Variants in CNOT1 observed in about 807,000 individuals in gnomAD.
CNOT1 encodes the protein CCR4-NOT transcription complex subunit 1, also known as CCR4-associated factor 1.
Under a neutral mutation model 273.8 loss-of-function variants are expected in CNOT1, and 15 were observed. The ratio of observed to expected loss-of-function variants is 0.05; its 90% CI spans 0.04 to 0.08. The LOEUF is 0.08. CNOT1 is among the 10% of genes least tolerant of loss of function. The pLI is 1.00. For missense variants in CNOT1, 1,644 were observed against 2,912.2 expected (o/e 0.56, Z 10.02); for synonymous variants, 1,022 against 1,005.5 (o/e 1.02, Z -0.31).
In CNOT1 at chr16:58,537,921, T is replaced by C; in HGVS notation, c.5384A>G (p.Asn1795Ser). Residue 1795 changes from asparagine (N) to serine (S), a missense_variant, in exon 38 of 49, where the codon AAT becomes AGT. Transcript: ENST00000317147. ...TGGAGCATTGCCTCTGGAATGAGCA[T>C]TAATCCTCATGAGGGTTTCAATGGT... ...FHTIETLMRI[N>S]AHSRGNAPEG... is the part of the protein sequence containing the mutation. The C allele has an allele frequency of 6.2e-7, 1 of 1,614,224 alleles. No individual in the cohort carries two copies. The highest frequency in any genetic ancestry group is 8.5e-7 in the Non-Finnish European group (1 of 1,180,038).
intron 1 of CNOT1, among the ~76,000 whole-genome samples, chr16:58,610,221 C>T (rs570643530): frequency 6.6e-6 from 1 of 152,304 alleles, no homozygotes; most frequent in East Asian, 1.9e-4. Context: ...AGTTCAAAAC[C>T]AGCCTTGCCA....
intron 27 of CNOT1, 66 bp from the exon 28 acceptor site, chr16:58,546,815 A>G (rs546387206): frequency 6.3e-7 from 1 of 1,595,530 alleles, no homozygotes; most frequent in East Asian, 2.2e-5. Flanking sequence ...ATTTAAAACA[A>G]TTCAATACAA....
At chr16:58,526,252 G>C in intron 44 of CNOT1, 114 bp from the exon 45 acceptor site, 1 of 977,416 alleles carries the variant, frequency 1.0e-6, no homozygotes, top group South Asian at 1.6e-5. Flanking sequence ...TAAATGCCTT[G>C]AAGAGCACAG....
At chr16:58,573,088 C>G (rs989631262) in intron 16 of CNOT1, among the ~76,000 whole-genome samples, 1 of 151,616 alleles carries the variant, frequency 6.6e-6, no homozygotes, top group Non-Finnish European at 1.5e-5. Context: ...GGCAGATCAC[C>G]TGAGGTCAGG....
chr16:58,595,885 T>A (rs2042233578), intron 2 of CNOT1, among the ~76,000 whole-genome samples: 1 of 152,012 alleles, frequency 6.6e-6, no homozygotes, highest in Non-Finnish European at 1.5e-5. Flanking sequence ...AAGTCAGAGG[T>A]GGAAAGATAC....
Position 58,582,923 on chromosome 16 carries a change from A to G in CNOT1, c.934-20T>C. The G allele has an allele frequency of 6.2e-7, 1 of 1,613,586 alleles. No homozygotes were observed. Among genetic ancestry groups the G allele is most frequent in the East Asian group, 2.2e-5 (1 of 44,880 alleles). ...AATACTCTGTAGAAGTAAAACTTGAATTAAACAAACCCAACTACTCCATGT... is the reference window on the plus strand; with the variant it reads ...AATACTCTGTAGAAGTAAAACTTGAGTTAAACAAACCCAACTACTCCATGT... On this transcript the variant is annotated intron_variant, in intron 9 of 48. Transcript: ENST00000317147.
At chr16:58,629,427 G>A (rs1271404911) in intron 1 of CNOT1, among the ~76,000 whole-genome samples, 1 of 152,126 alleles carries the variant, frequency 6.6e-6, no homozygotes, top group Non-Finnish European at 1.5e-5. Context: ...CGCCCCCTGA[G>A]CCTCCAGGCC....
At chr16:58,530,182 T>C (rs2039734918) in intron 43 of CNOT1, 64 bp downstream of exon 43, 2 of 1,333,666 alleles carry the variant, frequency 1.5e-6, no homozygotes, top group Non-Finnish European at 2.1e-6. Flanking sequence ...AGGCCTCAGA[T>C]TCCTAAAGTG....
intron 39 of CNOT1, among the ~76,000 whole-genome samples, chr16:58,535,986 G>C (rs1042404772): frequency 6.6e-6 from 1 of 151,990 alleles, no homozygotes; most frequent in African/African-American, 2.4e-5. Context: ...CGCCTGCCTC[G>C]GCCTCCCAAA....
At position 58,560,306 on chromosome 16, in the gene CNOT1, T is replaced by C. The variant is rs375385291; in HGVS notation, c.2036A>G (p.Asn679Ser). 7.4e-5 allele frequency: 119 copies of C among 1,614,072 alleles called. No homozygotes were observed. In the Middle Eastern group the frequency reaches 1.5e-3, roughly 20 times the overall value. Residue 679 changes from asparagine (N) to serine (S), a missense_variant, in exon 17 of 49, where the codon AAT becomes AGT. Coordinates refer to ENST00000317147, the MANE Select transcript of CNOT1 (RefSeq NM_016284.5). Reference protein sequence around the residue: ...TILTMVANCSNVMNKARQPPP... With the variant: ...TILTMVANCSSVMNKARQPPP... The stretch of plus-strand genomic sequence containing the variant: ...TGGTTGTCTGGCCTTATTCATAACA[T>C]TACTGCAATTGGCTACCATGGTGAG...
chr16:58,614,677 CT>C (rs2043014704), intron 1 of CNOT1, among the ~76,000 whole-genome samples: 1 of 125,426 alleles, frequency 8.0e-6, no homozygotes, highest in Admixed American at 7.9e-5. Flanking sequence ...GCTGATTTTG[CT>C]TTGTATACTT....
At position 58,540,089 on chromosome 16, in the gene CNOT1, G is replaced by A. The variant is rs181865348; in HGVS notation, c.4801-130C>T. The stretch of plus-strand genomic sequence containing the variant: ...CTTATTTTTACATTCAAACATGGAG[G>A]GCCTCTTCTTTTCCTTCTTCCTGAG... On this transcript the variant is annotated intron_variant, in intron 34 of 48. Transcript: ENST00000317147. 6,690 of 902,022 alleles carry A rather than the reference G, an allele frequency of 7.4e-3. 40 individuals carry two copies. The highest frequency in any genetic ancestry group is 9.3e-3 in the Non-Finnish European group (5,746 of 616,664). The allele number at this position is 902,022 out of a possible 1,614,324, so 55.9% of individuals were successfully genotyped here. A position where few individuals can be genotyped will look rare whatever the true frequency, so the allele number is the denominator to read the frequency against.
chr16:58,543,878 T>C lies in CNOT1; in HGVS notation c.4163A>G (p.Gln1388Arg). ...TGCCTGACGCACACACTGCTTCAAC[T>C]GTGGATGGGCCTGAAACAAGGGAAT... ...PTIPLFQAHP[Q>R]LKQCVRQAIE... Residue 1388 changes from glutamine (Q) to arginine (R), a missense_variant, in exon 31 of 49, where the codon CAG (glutamine) becomes CGG (arginine). This residue lies in a region of CNOT1 where 133 missense variants were observed against 230.4 expected (regional missense o/e 0.58). Transcript: ENST00000317147. The C allele has an allele frequency of 1.9e-6, 3 of 1,612,196 alleles. No individual in the cohort carries two copies. Among genetic ancestry groups the C allele is most frequent in the South Asian group, 1.1e-5 (1 of 90,952 alleles).
rs139041240 is a variant in CNOT1, at chr16:58,616,054, A to G, written c.-175+13674T>C. On this transcript the variant is annotated intron_variant, in intron 1 of 48. Coordinates refer to ENST00000317147, the MANE Select transcript of CNOT1 (RefSeq NM_016284.5). The stretch of plus-strand genomic sequence containing the variant: ...GCCATTGTCCTGCAGCCTGGATGAC[A>G]GGGCAAGACACTGACTCTACCAAAA... Among the ~76,000 whole-genome samples, 1,196 of 124,610 alleles carry G rather than the reference A, an allele frequency of 9.6e-3. 228 individuals carry two copies. Among genetic ancestry groups the G allele is most frequent in the African/African-American group, 0.031 (1,150 of 36,984 alleles). 81.7% of individuals were successfully genotyped at this position (124,610 alleles called of 152,430 possible).
At position 58,586,624 on chromosome 16, in the gene CNOT1, G is replaced by C. The variant is rs774069379; in HGVS notation, c.558C>G (p.Ser186=). The C allele has an allele frequency of 6.2e-7, 1 of 1,613,024 alleles. No homozygotes were observed. Among genetic ancestry groups the C allele is most frequent in the Non-Finnish European group, 8.5e-7 (1 of 1,179,818 alleles). ...CTCCCTTCTGCCCAAAGAGGAGATG[G>C]GAGAGGAGGAGGTGTAGGACCTCTA... The part of the protein sequence containing the change: ...IAIEVLHLLL[S]HLLFGQKGAF... Residue 186 remains serine (S), a synonymous_variant, in exon 7 of 49, where the codon TCC becomes TCG. Coordinates refer to ENST00000317147, the MANE Select transcript of CNOT1 (RefSeq NM_016284.5).
intron 18 of CNOT1, among the ~76,000 whole-genome samples, chr16:58,557,598 TAAG>T (rs1382119474): frequency 2.0e-5 from 3 of 151,440 alleles, no homozygotes. Context: ...TACAAGGGGC[TAAG>T]AAGATGTAGG....
intron 46 of CNOT1, 67 bp from the exon 47 acceptor site, chr16:58,523,569 T>A: frequency 6.7e-7 from 1 of 1,500,458 alleles, no homozygotes; most frequent in Non-Finnish European, 9.1e-7. Flanking sequence ...CAGTTCTAAC[T>A]GGCTAGGGTT....
Position 58,520,934 on chromosome 16 carries a change from C to T in CNOT1, c.*24G>A, listed in dbSNP as rs780113516. Reference sequence around the variant, plus strand: ...GTGCAGTGAGACCTCTAGACTGACACGTACAACAGAGATGCAGTTTCGTCT... The same window carrying T: ...GTGCAGTGAGACCTCTAGACTGACATGTACAACAGAGATGCAGTTTCGTCT... On this transcript the variant is annotated 3_prime_UTR_variant, in exon 49 of 49. Coordinates refer to ENST00000317147, the MANE Select transcript of CNOT1 (RefSeq NM_016284.5). The T allele has an allele frequency of 4.8e-5, 77 of 1,608,824 alleles. No homozygotes were observed. Among genetic ancestry groups the T allele is most frequent in the South Asian group, 6.6e-5 (6 of 91,048 alleles).
rs572250030 is a variant in CNOT1, at chr16:58,526,141, G to A, written c.6454-3C>T. ...TTAATTTCACTCAACATGTCCACCT[G>A]CCACAGATAAAATGCAAGAATCACA... On this transcript the variant is annotated splice_region_variant and splice_polypyrimidine_tract_variant and intron_variant, in intron 44 of 48. Coordinates refer to ENST00000317147, the MANE Select transcript of CNOT1 (RefSeq NM_016284.5). 6.2e-7 allele frequency: 1 copy of A among 1,613,676 alleles called. No homozygotes were observed. The highest frequency in any genetic ancestry group is 1.3e-5 in the African/African-American group (1 of 75,042).
Sources: allele counts gnomAD v4.1 joint callset (sites outside exome capture counted in the v4.1 genomes callset), GRCh38; gene constraint gnomAD v4.1.1; regional missense constraint gnomAD v4.1.1; transcripts MANE v1.5; gene names NCBI Gene and HGNC (gene_info 2026-07-23, HGNC 2026-07-21).